TNNI3K: variants seen among roughly 807,000 people sequenced by gnomAD.
TNNI3K encodes TNNI3 interacting kinase.
A neutral mutation model predicts 114.5 loss-of-function variants in TNNI3K; 140 were observed. The observed-to-expected ratio is 1.22, with a 90% CI of 1.07 to 1.41. The LOEUF (loss-of-function observed/expected upper bound fraction) is 1.41, where lower values mean the gene tolerates loss of function less well. Ranked by LOEUF, TNNI3K falls within the 40% of genes most tolerant of loss-of-function variation. The probability of loss-of-function intolerance (pLI) is 0.00; values close to 1 mark genes in which losing one functional copy is unlikely to be tolerated. For synonymous variants in TNNI3K, 347 were observed against 347.5 expected (o/e 1.00, Z 0.02); for missense variants, 1,125 against 1,007.6 (o/e 1.12, Z -1.58).
chr1:74,478,420 G>A (rs905822279), intron 21 of TNNI3K, among the ~76,000 whole-genome samples: 1 of 152,084 alleles, frequency 6.6e-6, no homozygotes, highest in African/African-American at 2.4e-5. Context: ...TACTAATAAA[G>A]AACTGTTAAT....
intron 1 of TNNI3K, among the ~76,000 whole-genome samples, chr1:74,235,814 A>G (rs1031827760): frequency 1.1e-4 from 16 of 151,498 alleles, no homozygotes; most frequent in Non-Finnish European, 2.4e-4. Flanking sequence ...CCGTCTTGCA[A>G]CTAGAGATTG....
intron 20 of TNNI3K, among the ~76,000 whole-genome samples, chr1:74,448,582 T>C (rs1393575832): frequency 7.1e-6 from 1 of 140,872 alleles, no homozygotes; most frequent in Non-Finnish European, 1.5e-5. Flanking sequence ...CCATTCAGTA[T>C]GATATTGGCT....
chr1:74,298,848 C>T (rs924046089), intron 5 of TNNI3K, among the ~76,000 whole-genome samples: 80 of 152,034 alleles, frequency 5.3e-4, no homozygotes, highest in African/African-American at 1.7e-3. Context: ...AGAAAGTGTC[C>T]ATTTTGGTTT....
At chr1:74,449,950 A>G (rs1276817907) in intron 20 of TNNI3K, among the ~76,000 whole-genome samples, 2 of 81,280 alleles carry the variant, frequency 2.5e-5, no homozygotes, top group Non-Finnish European at 4.7e-5. Flanking sequence ...AACAGAATAT[A>G]CATTTTTTTC....
chr1:74,319,239 A>G (rs191265600), intron 5 of TNNI3K, among the ~76,000 whole-genome samples: 177 of 152,300 alleles, frequency 1.2e-3, no homozygotes, highest in Non-Finnish European at 1.2e-4. Flanking sequence ...AGAGGCATCA[A>G]AGTTACCATG....
chr1:74,281,466 T>C (rs1570413134), intron 5 of TNNI3K, among the ~76,000 whole-genome samples: 1 of 152,056 alleles, frequency 6.6e-6, no homozygotes, highest in East Asian at 1.9e-4. Flanking sequence ...TTTACTGTTA[T>C]ATAGTTGTAA....
At chr1:74,533,341 G>T (rs1646616608) in intron 23 of TNNI3K, among the ~76,000 whole-genome samples, 1 of 152,180 alleles carries the variant, frequency 6.6e-6, no homozygotes, top group Non-Finnish European at 1.5e-5. Context: ...TCAGAGAAAT[G>T]CAAATCAAAA....
At chr1:74,290,692 C>G (rs961533053) in intron 5 of TNNI3K, among the ~76,000 whole-genome samples, 1 of 151,748 alleles carries the variant, frequency 6.6e-6, no homozygotes, top group African/African-American at 2.4e-5. Flanking sequence ...TGTTGTGACA[C>G]TCAAGTTTTT....
intron 23 of TNNI3K, among the ~76,000 whole-genome samples, chr1:74,514,539 T>A (rs1646320611): frequency 6.6e-6 from 1 of 152,196 alleles, no homozygotes; most frequent in Non-Finnish European, 1.5e-5. Context: ...CTAGTACACA[T>A]ATTATTAATA....
intron 21 of TNNI3K, chr1:74,480,667 T>A (rs575048752): frequency 1.4e-6 from 1 of 717,286 alleles, no homozygotes; most frequent in Non-Finnish European, 2.6e-6. Context: ...TCAGGCCGCT[T>A]GTGTTTCGGA....
At position 74,236,186 on chromosome 1, in the gene TNNI3K, T is replaced by G; in HGVS notation, c.125T>G (p.Leu42Arg). The change falls in exon 2 of 25, where the codon CTG (leucine) becomes CGG (arginine). Residue 42 changes from leucine to arginine, a missense_variant. Coordinates refer to ENST00000326637, the MANE Select transcript of TNNI3K (RefSeq NM_015978.3). The stretch of plus-strand genomic sequence containing the variant: ...GACCTGCAGATCAAGGAAAAAGAAC[T>G]GACAGAACTAAGGAATATATTTGGG... ...EDDLQIKEKELTELRNIFGSD... is the reference protein window; with the variant it reads ...EDDLQIKEKERTELRNIFGSD... The G allele has an allele frequency of 3.1e-6, 5 of 1,607,314 alleles. No individual in the cohort carries two copies. Among genetic ancestry groups the G allele is most frequent in the Non-Finnish European group, 3.4e-6 (4 of 1,175,378 alleles).
chr1:74,253,080 A>G (rs548581811), intron 4 of TNNI3K, among the ~76,000 whole-genome samples: 22 of 152,170 alleles, frequency 1.4e-4, no homozygotes, highest in Non-Finnish European at 1.2e-4. Flanking sequence ...AAAGTTCTCC[A>G]CATCCCCACT....
chr1:74,385,521 T>C (rs989650156), intron 17 of TNNI3K, among the ~76,000 whole-genome samples: 2 of 152,112 alleles, frequency 1.3e-5, no homozygotes, highest in Non-Finnish European at 2.9e-5. Context: ...TTTCAAAACC[T>C]TAAAAGGGAG....
chr1:74,389,431 G>A (rs1193641265), intron 17 of TNNI3K, among the ~76,000 whole-genome samples: 1 of 152,142 alleles, frequency 6.6e-6, no homozygotes, highest in Non-Finnish European at 1.5e-5. Context: ...GTCTTTATAG[G>A]AAACTGTGAA....
In TNNI3K at chr1:74,370,015, A is replaced by G. The variant is rs1308285738; in HGVS notation, c.1668-273A>G. ...CAGTGATTAAAATAGATTTCATTTT[A>G]CAATATTACAAAGAAATTAAGTATA... is the stretch of plus-strand genomic sequence containing the variant. On this transcript the variant is annotated intron_variant, in intron 16 of 24. Transcript: ENST00000326637. The G allele has an allele frequency of 1.2e-5, 3 of 248,264 alleles. No homozygotes were observed. The East Asian group carries it at 2.3e-4, about 19-fold the overall frequency. 15.4% of individuals were successfully genotyped at this position (248,264 alleles called of 1,614,324 possible).
chr1:74,359,629 A>G (rs1661847987), intron 11 of TNNI3K, among the ~76,000 whole-genome samples: 1 of 152,048 alleles, frequency 6.6e-6, no homozygotes, highest in Non-Finnish European at 1.5e-5. Context: ...AATATTATGA[A>G]AGTAATCCAA....
intron 23 of TNNI3K, among the ~76,000 whole-genome samples, chr1:74,507,842 G>A (rs1263142609): frequency 6.6e-6 from 1 of 152,216 alleles, no homozygotes; most frequent in Admixed American, 6.5e-5. Flanking sequence ...TACAAAGGCT[G>A]AAAATTGAAG....
At chr1:74,236,067 A>G (rs1290863972) in intron 1 of TNNI3K, 35 bp from the exon 2 acceptor site, 1 of 1,578,382 alleles carries the variant, frequency 6.3e-7, no homozygotes, top group Admixed American at 1.8e-5. Context: ...GCAAAACACA[A>G]CTATGAATCA....
intron 22 of TNNI3K, among the ~76,000 whole-genome samples, chr1:74,490,062 A>C (rs1557602187): frequency 6.6e-6 from 1 of 150,732 alleles, no homozygotes; most frequent in Non-Finnish European, 1.5e-5. Flanking sequence ...AAAAAAAAAA[A>C]AAAAAAAAAA....
Sources: allele counts gnomAD v4.1 joint callset (sites outside exome capture counted in the v4.1 genomes callset), GRCh38; gene constraint gnomAD v4.1.1; transcripts MANE v1.5; gene names NCBI Gene and HGNC (gene_info 2026-07-23, HGNC 2026-07-21).